The following SYNC variants were observed in gnomAD, a reference collection of about 807,000 sequenced individuals.
SYNC encodes syncoilin, intermediate filament protein.
A neutral mutation model predicts 49.5 loss-of-function variants in SYNC; 38 were observed. The ratio of observed to expected loss-of-function variants is 0.77; its 90% CI spans 0.59 to 1.01. The LOEUF (loss-of-function observed/expected upper bound fraction) is 1.01. Ranked by LOEUF, SYNC falls within the 50% of genes least tolerant of loss-of-function variation. SYNC has a pLI of 0.00. For missense variants in SYNC, 579 were observed against 580.6 expected (o/e 1.00, Z 0.03); for synonymous variants, 201 against 230.8 (o/e 0.87, Z 1.17).
intron 2 of SYNC, among the ~76,000 whole-genome samples, chr1:32,688,679 C>T (rs1234574067): frequency 4.6e-5 from 7 of 152,132 alleles, no homozygotes; most frequent in East Asian, 3.9e-4. Flanking sequence ...CTCCACCTTG[C>T]GGGTTCAGGC....
At chr1:32,687,765 T>C (rs1261405571) in intron 2 of SYNC, among the ~76,000 whole-genome samples, 2 of 151,488 alleles carry the variant, frequency 1.3e-5, no homozygotes, top group Non-Finnish European at 2.9e-5. Context: ...ACATGTCTTT[T>C]TGTGTTTCCA....
At chr1:32,687,924 A>G (rs1208822696) in intron 2 of SYNC, among the ~76,000 whole-genome samples, 1 of 150,488 alleles carries the variant, frequency 6.6e-6, no homozygotes, top group African/African-American at 2.4e-5. Context: ...ATCTTGGCTC[A>G]CTGCAACCTC....
At chr1:32,682,762 C>CTG (rs35184219) in intron 4 of SYNC, 1 of 652 alleles carries the variant, frequency 1.5e-3, no homozygotes, top group Non-Finnish European at 8.8e-3. Context: ...CAGAGCGAGA[C>CTG]TGTCTCAAAA....
intron 1 of SYNC, among the ~76,000 whole-genome samples, chr1:32,701,859 G>A (rs936575186): frequency 3.3e-5 from 5 of 152,202 alleles, no homozygotes; most frequent in South Asian, 2.1e-4. Context: ...GCAAGAGTCC[G>A]TGTGTCTGAC....
At chr1:32,696,604 C>T (rs1487067468) in intron 1 of SYNC, among the ~76,000 whole-genome samples, 3 of 152,012 alleles carry the variant, frequency 2.0e-5, no homozygotes, top group Non-Finnish European at 4.4e-5. Context: ...CACATACCAC[C>T]ACGCCCGGCT....
chr1:32,685,782 T>A (rs963921724), intron 2 of SYNC: 3 of 152,240 alleles, frequency 2.0e-5, no homozygotes, highest in African/African-American at 7.2e-5. Context: ...CCACCAGTGA[T>A]AAGCTGTGAC....
At chr1:32,684,622 A>C in intron 2 of SYNC, 1 of 506,098 alleles carries the variant, frequency 2.0e-6, no homozygotes, top group Non-Finnish European at 3.5e-6. Context: ...AGCTTGCTTT[A>C]ATAGAATCCT....
In SYNC at chr1:32,690,629, G is replaced by A. The variant is rs149302975; in HGVS notation, c.1233+4236C>T. On this transcript the variant is annotated intron_variant, in intron 2 of 4. Coordinates refer to ENST00000409190, the MANE Select transcript of SYNC (RefSeq NM_030786.3). ...ACTGCACTCTAGCCTGAGTGACAGAGCAAGACTCCATCTCCAAAGAAAAAA... is the reference window on the plus strand; with the variant it reads ...ACTGCACTCTAGCCTGAGTGACAGAACAAGACTCCATCTCCAAAGAAAAAA... Among the ~76,000 whole-genome samples the A allele has an allele frequency of 4.5e-3, 668 of 147,738 alleles. 4 individuals are homozygous for A. Among genetic ancestry groups the A allele is most frequent in the Non-Finnish European group, 7.0e-3 (471 of 67,384 alleles).
At position 32,680,916 on chromosome 1, in the gene SYNC, A is replaced by G. The variant is rs1649393061; in HGVS notation, c.*934T>C. 5.2e-6 allele frequency: 1 copy of G among 194,076 alleles called. No homozygotes were observed. Among genetic ancestry groups the G allele is most frequent in the South Asian group, 1.8e-4 (1 of 5,418 alleles). 12.0% of individuals were successfully genotyped at this position (194,076 alleles called of 1,614,324 possible). Reference sequence around the variant, plus strand: ...TTGAAGTCTATCTGTAGAGAACTACATGGACTTCCAAGAGTGTCAAAGGCA... The same window carrying G: ...TTGAAGTCTATCTGTAGAGAACTACGTGGACTTCCAAGAGTGTCAAAGGCA... On this transcript the variant is annotated 3_prime_UTR_variant, in exon 5 of 5. Coordinates refer to ENST00000409190, the MANE Select transcript of SYNC (RefSeq NM_030786.3).
chr1:32,687,857 T>TATTATTATTATTTC (rs1203070085), intron 2 of SYNC, among the ~76,000 whole-genome samples: 231 of 146,550 alleles, frequency 1.6e-3, no homozygotes, highest in Non-Finnish European at 2.7e-3. Context: ...TTATTATTAT[T>TATTATTATTATTTC]ATTATTTTTT....
In SYNC at chr1:32,695,368, G is replaced by A. The variant is rs1332737655; in HGVS notation, c.730C>T (p.Gln244Ter). The A allele has an allele frequency of 2.6e-6, 4 of 1,551,466 alleles. No individual in the cohort carries two copies. The highest frequency in any genetic ancestry group is 3.5e-6 in the Non-Finnish European group (4 of 1,147,080). The change falls in exon 2 of 5, where the codon CAG (glutamine) becomes TAG (stop). Residue 244 changes from glutamine to a stop codon, truncating the protein, a stop_gained. Transcript: ENST00000409190. LOFTEE classifies it high-confidence loss of function. ...TCCTTTGTCACTTTGAAAAGCTTCT[G>A]CTTGACCAGCCGGATCTCCTCCCTT... is the stretch of plus-strand genomic sequence containing the variant. ...GLREEIRLVK[Q>*]KLFKVTKECV...
rs918103260 is a variant in SYNC, at chr1:32,695,353, C to T, written c.745G>A (p.Val249Met). 1.4e-5 allele frequency: 21 copies of T among 1,551,594 alleles called. No individual in the cohort carries two copies. In the Admixed American group the frequency reaches 2.8e-4, roughly 20 times the overall value. Residue 249 changes from valine to methionine, a missense_variant, in exon 2 of 5, where the codon GTG becomes ATG. Physicochemically the swap from Val to Met is conservative, Grantham distance 21. Coordinates refer to ENST00000409190, the MANE Select transcript of SYNC (RefSeq NM_030786.3). Reference sequence around the variant, plus strand: ...TGGTAGGCCACACATTCCTTTGTCACTTTGAAAAGCTTCTGCTTGACCAGC... The same window carrying T: ...TGGTAGGCCACACATTCCTTTGTCATTTTGAAAAGCTTCTGCTTGACCAGC... ...IRLVKQKLFK[V>M]TKECVAYQYQ... is the part of the protein sequence containing the mutation.
intron 1 of SYNC, among the ~76,000 whole-genome samples, chr1:32,700,852 G>A (rs1010972623): frequency 6.6e-6 from 1 of 152,138 alleles, no homozygotes; most frequent in Admixed American, 6.6e-5. Flanking sequence ...TCCTAGGATA[G>A]GCGTGAGGTC....
Position 32,684,046 on chromosome 1 carries a change from T to G in SYNC, c.1402A>C (p.Thr468Pro), listed in dbSNP as rs757000197. The G allele has an allele frequency of 6.2e-7, 1 of 1,614,222 alleles. No homozygotes were observed. The highest frequency in any genetic ancestry group is 8.5e-7 in the Non-Finnish European group (1 of 1,180,040). The change falls in exon 4 of 5, where the codon ACT (threonine) becomes CCT (proline). Residue 468 changes from threonine to proline, a missense_variant. Physicochemically the swap from Thr to Pro is conservative, Grantham distance 38. Coordinates refer to ENST00000409190, the MANE Select transcript of SYNC (RefSeq NM_030786.3). Reference protein sequence around the residue: ...PKSLEQADAPTSQAGGMETQS... With the variant: ...PKSLEQADAPPSQAGGMETQS... ...GTCTCCATTCCACCTGCCTGAGAAGTGGGAGCATCAGCCTGTTCCAGGCTC... is the reference window on the plus strand; with the variant it reads ...GTCTCCATTCCACCTGCCTGAGAAGGGGGAGCATCAGCCTGTTCCAGGCTC...
In SYNC at chr1:32,680,069, G is replaced by A; in HGVS notation, c.*1781C>T. The stretch of plus-strand genomic sequence containing the variant: ...GTAAGGAATAGAGCCAAATGAGGTA[G>A]GTGTCTGAGCCATGAAGTATAAATA... On this transcript the variant is annotated 3_prime_UTR_variant, in exon 5 of 5. Transcript: ENST00000409190. 1 of 1,073,096 alleles carries A rather than the reference G, an allele frequency of 9.3e-7. No individual in the cohort carries two copies. Among genetic ancestry groups the A allele is most frequent in the South Asian group, 3.5e-5 (1 of 28,320 alleles). 66.5% of individuals were successfully genotyped at this position (1,073,096 alleles called of 1,614,324 possible). A position where few individuals can be genotyped will look rare whatever the true frequency, so the allele number is the denominator to read the frequency against.
At chr1:32,682,138 T>C (rs1344246559) in intron 4 of SYNC, 2 of 427,718 alleles carry the variant, frequency 4.7e-6, no homozygotes, top group Admixed American at 3.9e-5. Context: ...TCGTTGTCTT[T>C]TCCAGATTGT....
In SYNC at chr1:32,694,912, T is replaced by C. The variant is rs762967512; in HGVS notation, c.1186A>G (p.Ile396Val). The change falls in exon 2 of 5, where the codon ATC (isoleucine) becomes GTC (valine). Residue 396 changes from isoleucine (I) to valine (V), a missense_variant. Coordinates refer to ENST00000409190, the MANE Select transcript of SYNC (RefSeq NM_030786.3). The part of the protein sequence containing the change: ...RLQNRNLEDQ[I>V]ALVRQKRDEE... ...TCTCGTTTTTGCCTCACAAGTGCGA[T>C]CTGGTCCTCCAGGTTCCTGTTTTGC... 6.2e-7 allele frequency: 1 copy of C among 1,613,020 alleles called. No homozygotes were observed. Among genetic ancestry groups the C allele is most frequent in the East Asian group, 2.2e-5 (1 of 44,852 alleles).
In SYNC at chr1:32,702,393, G is replaced by A. The variant is rs753246090; in HGVS notation, c.53+215C>T. Among the ~76,000 whole-genome samples the A allele has an allele frequency of 6.6e-6, 1 of 152,168 alleles. No individual in the cohort carries two copies. The highest frequency in any genetic ancestry group is 1.5e-5 in the Non-Finnish European group (1 of 68,032). On this transcript the variant is annotated intron_variant, in intron 1 of 4. Transcript: ENST00000409190. This position sits in a 1 kb window ranked among gnomAD's most constrained non-coding sequence, Gnocchi z 6.2. ...TTTCATGTAGTCCCGGGAGGGGGAG[G>A]GGTATTATAAAAAGCCACAGACAAA...
rs952494479 is a variant in SYNC at position 32,680,168 on chromosome 1, C to T, written c.*1682G>A. 53 of 1,058,712 alleles carry T rather than the reference C, an allele frequency of 5.0e-5. No individual in the cohort carries two copies. In the East Asian group the frequency reaches 2.6e-3, roughly 53 times the overall value. The allele number at this position is 1,058,712 out of a possible 1,614,324, so 65.6% of individuals were successfully genotyped here. ...ATAGATTCCTACTCGAAAATCTTGACACCTGACTTTCCAGGATGCACATTT... is the reference window on the plus strand; with the variant it reads ...ATAGATTCCTACTCGAAAATCTTGATACCTGACTTTCCAGGATGCACATTT... On this transcript the variant is annotated 3_prime_UTR_variant, in exon 5 of 5. Coordinates refer to ENST00000409190, the MANE Select transcript of SYNC (RefSeq NM_030786.3).
Sources: gnomAD v4.1 joint callset for allele counts (sites outside exome capture counted in the v4.1 genomes callset) on GRCh38, gnomAD v4.1.1 for gene constraint, Gnocchi (gnomAD v3.1) non-coding constraint, MANE v1.5 for transcripts, NCBI Gene and HGNC (gene_info 2026-07-23, HGNC 2026-07-21) for gene names.